The following PDE3B variants were observed in gnomAD, a reference collection of about 807,000 sequenced individuals.
PDE3B encodes the protein phosphodiesterase 3B, also known as cGMP-inhibited 3',5'-cyclic phosphodiesterase 3B.
PDE3B carries 66 observed loss-of-function variants against 116.8 expected under a neutral mutation model. The observed-to-expected ratio is 0.56, with a 90% confidence interval of 0.46 to 0.69. The LOEUF (loss-of-function observed/expected upper bound fraction) is 0.69, where lower values mean the gene tolerates loss of function less well. PDE3B is among the 30% of genes least tolerant of loss of function. The pLI is 0.00. For missense variants in PDE3B, 1,384 were observed against 1,368.1 expected (o/e 1.01, Z -0.18); for synonymous variants, 595 against 533.6 (o/e 1.12, Z -1.59).
In PDE3B at chr11:14,769,468, T is replaced by C. The variant is rs559384635; in HGVS notation, c.979-2469T>C. ...TTCCTTCTGCATAGGCAGCCTTTAATTGTCTAAATGCATTAGAGAACTTTC... is the reference window on the plus strand; with the variant it reads ...TTCCTTCTGCATAGGCAGCCTTTAACTGTCTAAATGCATTAGAGAACTTTC... On this transcript the variant is annotated intron_variant, in intron 1 of 15. Transcript: ENST00000282096. 1.9e-4 allele frequency among the ~76,000 whole-genome samples: 29 copies of C among 150,938 alleles called. No individual in the cohort carries two copies. The South Asian group carries it at 5.8e-3, about 30-fold the overall frequency.
intron 1 of PDE3B, among the ~76,000 whole-genome samples, chr11:14,662,076 A>G (rs1049142290): frequency 5.9e-5 from 9 of 152,120 alleles, no homozygotes; most frequent in Non-Finnish European, 1.2e-4. Context: ...GCAGACTGAC[A>G]CTTCACACGG....
At chr11:14,809,022 G>C (rs898334372) in intron 5 of PDE3B, among the ~76,000 whole-genome samples, 1 of 152,090 alleles carries the variant, frequency 6.6e-6, no homozygotes, top group African/African-American at 2.4e-5. Flanking sequence ...GTATAGAAAC[G>C]CAAGAGTCCC....
At chr11:14,652,381 G>A (rs960840131) in intron 1 of PDE3B, among the ~76,000 whole-genome samples, 3 of 152,002 alleles carry the variant, frequency 2.0e-5, no homozygotes, top group African/African-American at 7.2e-5. Flanking sequence ...TTTGATTATT[G>A]TATCTTTTAG....
intron 12 of PDE3B, among the ~76,000 whole-genome samples, chr11:14,854,641 C>T (rs182923126): frequency 2.6e-5 from 4 of 152,082 alleles, no homozygotes; most frequent in East Asian, 3.9e-4. Flanking sequence ...CTTCAGCTTC[C>T]GAGTAGCTGA....
chr11:14,891,440 C>T, the PDE3B span: 1 of 985,792 alleles, frequency 1.0e-6, no homozygotes, highest in Non-Finnish European at 1.2e-6. Flanking sequence ...TCCCAGGGCC[C>T]GCTTCTCAGT....
chr11:14,695,120 C>A (rs1855164168), intron 1 of PDE3B, among the ~76,000 whole-genome samples: 1 of 152,116 alleles, frequency 6.6e-6, no homozygotes, highest in East Asian at 1.9e-4. Context: ...TCTCGTTTTT[C>A]AATTTCATAT....
Position 14,818,396 on chromosome 11 carries a change from AAG to A in PDE3B, c.1733+4_1733+5del, listed in dbSNP as rs1417844063. On this transcript the variant is annotated splice_donor_5th_base_variant and intron_variant, in intron 6 of 15. Transcript: ENST00000282096. ...TCTGATAGCAATCTGTGTAACAGGT[AAG>A]TTTCCCAACTGTTTATTATTTCTGT... 1 of 1,577,300 alleles carries A rather than the reference AAG, an allele frequency of 6.3e-7. No individual in the cohort carries two copies.
At chr11:14,872,489 A>G (rs1375295388), downstream of PDE3B, among the ~76,000 whole-genome samples, 2 of 152,222 alleles carry the variant, frequency 1.3e-5, no homozygotes, top group Non-Finnish European at 2.9e-5. Context: ...AAGATAGAGC[A>G]CAAGAAGAGG....
At chr11:14,783,409 C>CATA (rs1421207224) in intron 2 of PDE3B, among the ~76,000 whole-genome samples, 1 of 152,168 alleles carries the variant, frequency 6.6e-6, no homozygotes, top group Non-Finnish European at 1.5e-5. Context: ...TACATATACA[C>CATA]CATGGAATAC....
Position 14,834,419 on chromosome 11 carries a change from A to C in PDE3B, c.2207-563A>C, listed in dbSNP as rs903218587. Among the ~76,000 whole-genome samples, 3 of 152,180 alleles carry C rather than the reference A, an allele frequency of 2.0e-5. No homozygotes were observed. The South Asian group carries it at 6.2e-4, about 31-fold the overall frequency. On this transcript the variant is annotated intron_variant, in intron 10 of 15. Coordinates refer to ENST00000282096, the MANE Select transcript of PDE3B (RefSeq NM_000922.4). Reference sequence around the variant, plus strand: ...CAGTTTTAGGTCTATCTGAGTTCTGAAGCCTATACTCTTTACACTATGCCA... The same window carrying C: ...CAGTTTTAGGTCTATCTGAGTTCTGCAGCCTATACTCTTTACACTATGCCA...
At chr11:14,880,451 A>G in the PDE3B span, 1 of 1,613,486 alleles carries the variant, frequency 6.2e-7, no homozygotes, top group Non-Finnish European at 8.5e-7. Context: ...AAGGCATTAT[A>G]CAAGAAGACT....
At chr11:14,704,958 A>G (rs982121863) in intron 1 of PDE3B, among the ~76,000 whole-genome samples, 5 of 151,710 alleles carry the variant, frequency 3.3e-5, no homozygotes, top group African/African-American at 9.7e-5. Context: ...TATAATACAT[A>G]TATTTGAGAA....
intron 1 of PDE3B, among the ~76,000 whole-genome samples, chr11:14,741,826 T>A (rs1012694025): frequency 2.0e-5 from 3 of 152,124 alleles, no homozygotes; most frequent in Non-Finnish European, 4.4e-5. Flanking sequence ...TGTAAAGGAT[T>A]TTATTTTTCC....
At chr11:14,800,425 A>G (rs764789671) in intron 4 of PDE3B, among the ~76,000 whole-genome samples, 4 of 152,140 alleles carry the variant, frequency 2.6e-5, no homozygotes, top group African/African-American at 9.7e-5. Flanking sequence ...AGATTGCACC[A>G]CTGCATTCCA....
At chr11:14,798,823 T>C (rs1034295967) in intron 4 of PDE3B, among the ~76,000 whole-genome samples, 12 of 152,246 alleles carry the variant, frequency 7.9e-5, no homozygotes, top group African/African-American at 1.4e-4. Flanking sequence ...TCTTTTCTTA[T>C]TCTTCCTTAT....
chr11:14,884,136 A>T, the PDE3B span, among the ~76,000 whole-genome samples: 4 of 152,020 alleles, frequency 2.6e-5, no homozygotes, highest in Admixed American at 2.0e-4. Context: ...TTCCTCAGGG[A>T]TCTAGAACTA....
the PDE3B span, among the ~76,000 whole-genome samples, chr11:14,890,273 C>A: frequency 6.6e-6 from 1 of 150,794 alleles, no homozygotes; most frequent in Non-Finnish European, 1.5e-5. Flanking sequence ...GAAGACCTGA[C>A]CTCTAGTCTT....
At chr11:14,700,844 A>T (rs1855339818) in intron 1 of PDE3B, 2 of 151,858 alleles carry the variant, frequency 1.3e-5, no homozygotes, top group South Asian at 4.1e-4. Context: ...GAAGAGAAAA[A>T]AGATGAAACT....
At chr11:14,769,403 A>G (rs887607383) in intron 1 of PDE3B, among the ~76,000 whole-genome samples, 3 of 151,222 alleles carry the variant, frequency 2.0e-5, no homozygotes, top group Non-Finnish European at 4.4e-5. Context: ...TTAAGAGTCC[A>G]GTTAAAATAG....
Sources: allele counts gnomAD v4.1 joint callset (sites outside exome capture counted in the v4.1 genomes callset), GRCh38; gene constraint gnomAD v4.1.1; transcripts MANE v1.5; gene names NCBI Gene and HGNC (gene_info 2026-07-23, HGNC 2026-07-21).